CTNNA3: variants seen among roughly 807,000 people sequenced by gnomAD.
CTNNA3 encodes the protein catenin alpha-3.
In CTNNA3, 76 loss-of-function variants were observed where a neutral mutation model predicts 95.7. The observed-to-expected ratio is 0.79, with a 90% confidence interval of 0.66 to 0.96. CTNNA3 has a LOEUF of 0.96. CTNNA3 is among the 40% of genes least tolerant of loss of function. CTNNA3 has a pLI of 0.00. For synonymous variants in CTNNA3, 431 were observed against 374.4 expected, an observed-to-expected ratio of 1.15 and a Z score of -1.74; for missense variants, 1,191 against 1,089.8, an observed-to-expected ratio of 1.09 and a Z score of -1.31.
At chr10:66,544,147 C>T (rs1443031098) in intron 10 of CTNNA3, among the ~76,000 whole-genome samples, 1 of 151,672 alleles carries the variant, frequency 6.6e-6, no homozygotes, top group Non-Finnish European at 1.5e-5. Context: ...TATTATGTCC[C>T]CTTTGGCATT....
chr10:66,967,451 A>G (rs2132809404), intron 7 of CTNNA3, among the ~76,000 whole-genome samples: 1 of 152,002 alleles, frequency 6.6e-6, no homozygotes, highest in East Asian at 1.9e-4. Flanking sequence ...ATGAATTACA[A>G]TTAATTAATC....
chr10:67,544,427 G>T (rs997776850), intron 3 of CTNNA3, among the ~76,000 whole-genome samples: 1 of 115,888 alleles, frequency 8.6e-6, no homozygotes, highest in Non-Finnish European at 1.9e-5. Context: ...GATACAGGAA[G>T]GGGAAACCAA....
chr10:66,729,324 A>G (rs1848879291), intron 9 of CTNNA3, among the ~76,000 whole-genome samples: 2 of 152,264 alleles, frequency 1.3e-5, no homozygotes, highest in African/African-American at 2.4e-5. Flanking sequence ...GTTACGGAGA[A>G]AAAGGAATAT....
At chr10:67,008,205 T>C (rs997715830) in intron 7 of CTNNA3, among the ~76,000 whole-genome samples, 2 of 152,112 alleles carry the variant, frequency 1.3e-5, no homozygotes, top group Admixed American at 6.6e-5. Context: ...GTTGGGACCA[T>C]TACTTGCTAT....
At chr10:66,453,103 G>A (rs187933119) in intron 11 of CTNNA3, among the ~76,000 whole-genome samples, 12 of 152,102 alleles carry the variant, frequency 7.9e-5, no homozygotes, top group African/African-American at 2.6e-4. Context: ...TGTAGTCCCA[G>A]CTGCTTGGGA....
chr10:66,633,989 T>C (rs1845248325), intron 9 of CTNNA3, among the ~76,000 whole-genome samples: 1 of 152,156 alleles, frequency 6.6e-6, no homozygotes. Flanking sequence ...AATAATCTCA[T>C]TTATGAAAGA....
At chr10:67,252,591 T>C (rs1020466795) in intron 5 of CTNNA3, among the ~76,000 whole-genome samples, 3 of 152,186 alleles carry the variant, frequency 2.0e-5, no homozygotes, top group African/African-American at 4.8e-5. Flanking sequence ...CTCACCCTTC[T>C]TCTTGTAATG....
At chr10:67,665,585 T>C (rs1383328363) in intron 1 of CTNNA3, 1 of 152,118 alleles carries the variant, frequency 6.6e-6, no homozygotes, top group South Asian at 2.1e-4. Context: ...ACTAAACCAA[T>C]TGTCTAAGCA....
At chr10:67,335,023 T>TACAC (rs570507843) in intron 5 of CTNNA3, 3 of 151,192 alleles carry the variant, frequency 2.0e-5, no homozygotes, top group Non-Finnish European at 3.0e-5. Flanking sequence ...CTCAATAGTA[T>TACAC]ACACACACAC....
At chr10:67,168,775 A>G (rs1049831821) in intron 7 of CTNNA3, among the ~76,000 whole-genome samples, 11 of 152,216 alleles carry the variant, frequency 7.2e-5, no homozygotes, top group Non-Finnish European at 1.2e-4. Flanking sequence ...TAGAAGTCTA[A>G]GCCAAAGCAA....
intron 13 of CTNNA3, among the ~76,000 whole-genome samples, chr10:66,263,392 T>C (rs1024598745): frequency 6.6e-6 from 1 of 152,064 alleles, no homozygotes; most frequent in Non-Finnish European, 1.5e-5. Context: ...CTAAGAGTCA[T>C]TAACAACTAG....
At chr10:66,790,939 T>G (rs778008004) in intron 7 of CTNNA3, among the ~76,000 whole-genome samples, 1 of 152,180 alleles carries the variant, frequency 6.6e-6, no homozygotes, top group Non-Finnish European at 1.5e-5. Context: ...TATTTACTTC[T>G]AGAATCCATT....
Position 67,081,980 on chromosome 10 carries a change from C to T in CTNNA3, c.1047+98337G>A, listed in dbSNP as rs185288067. Among the ~76,000 whole-genome samples, 442 of 152,268 alleles carry T rather than the reference C, an allele frequency of 2.9e-3. 6 individuals are homozygous for T. In the South Asian group the frequency reaches 0.03, roughly 10 times the overall value. ...GTATTCATGTTTTATCTTTGAATTACCAGCACATAACACAGTTCCTGAAAC... is the reference window on the plus strand; with the variant it reads ...GTATTCATGTTTTATCTTTGAATTATCAGCACATAACACAGTTCCTGAAAC... On this transcript the variant is annotated intron_variant, in intron 7 of 17. Coordinates refer to ENST00000433211, the MANE Select transcript of CTNNA3 (RefSeq NM_013266.4).
rs544889913 is a variant in CTNNA3, at chr10:67,037,527, T to C, written c.1047+142790A>G. 2.6e-5 allele frequency among the ~76,000 whole-genome samples: 4 copies of C among 152,328 alleles called. No individual in the cohort carries two copies. In the South Asian group the frequency reaches 8.3e-4, roughly 32 times the overall value. ...TGTTTAGGTAGAGGAGTGATCATCA[T>C]ATCTGCATTTCAGGTAGATTCACAT... On this transcript the variant is annotated intron_variant, in intron 7 of 17. Transcript: ENST00000433211.
At chr10:66,290,297 T>A (rs2091659392) in intron 12 of CTNNA3, among the ~76,000 whole-genome samples, 1 of 151,948 alleles carries the variant, frequency 6.6e-6, no homozygotes, top group African/African-American at 2.4e-5. Flanking sequence ...GGAGCAGAAA[T>A]ATAATTACAT....
chr10:66,445,077 G>T (rs1441550654), intron 11 of CTNNA3, among the ~76,000 whole-genome samples: 1 of 152,056 alleles, frequency 6.6e-6, no homozygotes, highest in Admixed American at 6.6e-5. Flanking sequence ...GACAAAGAAG[G>T]CCATTACATA....
At chr10:67,669,411 G>C (rs903086797) in intron 1 of CTNNA3, among the ~76,000 whole-genome samples, 9 of 152,128 alleles carry the variant, frequency 5.9e-5, no homozygotes, top group Non-Finnish European at 1.2e-4. Context: ...ATTAACTATA[G>C]AAGGAATGAG....
At chr10:67,490,442 G>T (rs1404143111) in intron 5 of CTNNA3, among the ~76,000 whole-genome samples, 4 of 152,152 alleles carry the variant, frequency 2.6e-5, no homozygotes, top group African/African-American at 4.8e-5. Context: ...AACCTATGCT[G>T]TCAGCATAAC....
intron 13 of CTNNA3, among the ~76,000 whole-genome samples, chr10:66,111,321 C>T (rs2082111627): frequency 6.6e-6 from 1 of 152,156 alleles, no homozygotes; most frequent in African/African-American, 2.4e-5. Context: ...AGCCATGCTT[C>T]CTGTACAGCC....
Sources: gnomAD v4.1 joint callset for allele counts (sites outside exome capture counted in the v4.1 genomes callset) on GRCh38, gnomAD v4.1.1 for gene constraint, MANE v1.5 for transcripts, NCBI Gene and HGNC (gene_info 2026-07-23, HGNC 2026-07-21) for gene names.